The following HABP2 variants were observed in gnomAD, a reference collection of about 807,000 sequenced individuals.
HABP2 encodes factor VII-activating protease.
HABP2 carries 65 observed loss-of-function variants against 66.5 expected under a neutral mutation model. The ratio of observed to expected loss-of-function variants is 0.98; its 90% CI spans 0.80 to 1.20. HABP2 has a LOEUF of 1.20. Ranked by LOEUF, HABP2 falls within the 50% of genes most tolerant of loss-of-function variation. HABP2 has a pLI of 0.00. For synonymous variants in HABP2, 263 were observed against 253.9 expected, an observed-to-expected ratio of 1.04 and a Z score of -0.34; for missense variants, 786 against 691.0, an observed-to-expected ratio of 1.14 and a Z score of -1.54.
chr10:113,575,473 C>A (rs1845391573), intron 3 of HABP2, among the ~76,000 whole-genome samples: 2 of 152,230 alleles, frequency 1.3e-5, no homozygotes, highest in South Asian at 4.2e-4. Flanking sequence ...GTTTTCTTTC[C>A]CCACTCCTGA....
Position 113,575,930 on chromosome 10 carries a change from G to A in HABP2, c.257G>A (p.Gly86Glu). 6.2e-7 allele frequency: 1 copy of A among 1,611,492 alleles called. No individual in the cohort carries two copies. The highest frequency in any genetic ancestry group is 8.5e-7 in the Non-Finnish European group (1 of 1,177,630). ...CAGCCCAACCCCTGTGAACACGGTG[G>A]GGACTGCCTCGTCCATGGGAGCACC... ...PCQPNPCEHGGDCLVHGSTFT... is the reference protein window; with the variant it reads ...PCQPNPCEHGEDCLVHGSTFT... The change falls in exon 4 of 13, where the codon GGG (glycine) becomes GAG (glutamate). Residue 86 changes from glycine (G) to glutamate (E), a missense_variant. Physicochemically the swap from Gly to Glu is moderately conservative, Grantham distance 98 (BLOSUM62 -2). Transcript: ENST00000351270.
intron 2 of HABP2, chr10:113,569,795 G>C (rs913472747): frequency 6.6e-6 from 1 of 152,344 alleles, no homozygotes; most frequent in Non-Finnish European, 1.5e-5. Context: ...CAGATTGGAA[G>C]TGTCAAATGC....
At chr10:113,565,916 T>C (rs1231437228) in intron 1 of HABP2, among the ~76,000 whole-genome samples, 2 of 152,356 alleles carry the variant, frequency 1.3e-5, no homozygotes, top group East Asian at 3.9e-4. Context: ...CATGAGTAAA[T>C]TCAGGGTAAC....
chr10:113,564,423 A>G (rs1845158705), intron 1 of HABP2, among the ~76,000 whole-genome samples: 1 of 152,064 alleles, frequency 6.6e-6, no homozygotes, highest in South Asian at 2.1e-4. Flanking sequence ...CCCTAAGCCC[A>G]GGAGCACCCC....
intron 11 of HABP2, 85 bp from the exon 12 acceptor site, chr10:113,585,708 T>G: frequency 5.0e-6 from 5 of 1,008,652 alleles, no homozygotes; most frequent in Non-Finnish European, 7.9e-6. Context: ...TTGGTGGGCT[T>G]CTCCCTGACA....
At chr10:113,560,506 A>G (rs948534301) in intron 1 of HABP2, among the ~76,000 whole-genome samples, 2 of 152,230 alleles carry the variant, frequency 1.3e-5, no homozygotes, top group Admixed American at 1.3e-4. Flanking sequence ...GGACCCAGCA[A>G]TTCCACATCT....
chr10:113,583,042 G>A (rs936238504), intron 9 of HABP2, among the ~76,000 whole-genome samples, 174 bp from the exon 10 acceptor site: 3 of 152,218 alleles, frequency 2.0e-5, no homozygotes, highest in African/African-American at 7.2e-5. Context: ...GCTTGCTTCT[G>A]TTAATAAAGC....
rs910173736 is a variant in HABP2 at position 113,589,369 on chromosome 10, G to C, written c.*1000G>C. On this transcript the variant is annotated 3_prime_UTR_variant, in exon 13 of 13. Transcript: ENST00000351270. ...CTGACCCTTTCTGCGAATGTAACGA[G>C]CAAGCAGTCAGCACAGCCTGGGCTG... is the stretch of plus-strand genomic sequence containing the variant. 1 of 566,454 alleles carries C rather than the reference G, an allele frequency of 1.8e-6. No individual in the cohort carries two copies. Among genetic ancestry groups the C allele is most frequent in the Non-Finnish European group, 3.1e-6 (1 of 320,486 alleles). The allele number at this position is 566,454 out of a possible 1,614,324, so 35.1% of individuals were successfully genotyped here.
chr10:113,583,536 G>C lies in HABP2; in HGVS notation c.1237+178G>C, dbSNP rs190169080. On this transcript the variant is annotated intron_variant, in intron 10 of 12. Transcript: ENST00000351270. Reference sequence around the variant, plus strand: ...GTTTTTGAGGGTATGTGCAAATGTAGATAAATGGGCATATGCTCTTAAACT... The same window carrying C: ...GTTTTTGAGGGTATGTGCAAATGTACATAAATGGGCATATGCTCTTAAACT... Among the ~76,000 whole-genome samples the C allele has an allele frequency of 3.0e-4, 46 of 152,314 alleles. No homozygotes were observed. The East Asian group carries it at 6.8e-3, about 22-fold the overall frequency.
Position 113,575,973 on chromosome 10 carries a change from G to C in HABP2, c.300G>C (p.Leu100=). The change falls in exon 4 of 13, where the codon CTG becomes CTC. Residue 100 remains leucine (L), a synonymous_variant. Transcript: ENST00000351270. ...GGAGCACCTTCACATGCAGCTGCCT[G>C]GCTCCTTTCTCTGGGAATAAGTGTC... The part of the protein sequence containing the change: ...VHGSTFTCSC[L]APFSGNKCQK... 1 of 1,607,338 alleles carries C rather than the reference G, an allele frequency of 6.2e-7. No homozygotes were observed. The highest frequency in any genetic ancestry group is 8.5e-7 in the Non-Finnish European group (1 of 1,173,796).
chr10:113,551,192 A>G (rs1427004139), upstream of HABP2, among the ~76,000 whole-genome samples: 4 of 152,248 alleles, frequency 2.6e-5, no homozygotes, highest in African/African-American at 9.6e-5. Context: ...AGTGCTGGGC[A>G]TCTATGCCAA....
At chr10:113,559,348 C>A (rs1041946953) in intron 1 of HABP2, among the ~76,000 whole-genome samples, 1 of 152,202 alleles carries the variant, frequency 6.6e-6, no homozygotes, top group Non-Finnish European at 1.5e-5. Context: ...GTAATCATTG[C>A]AAATGCCATA....
intron 1 of HABP2, among the ~76,000 whole-genome samples, chr10:113,555,316 G>A (rs1388662586): frequency 2.6e-5 from 4 of 152,194 alleles, no homozygotes; most frequent in African/African-American, 4.8e-5. Flanking sequence ...ACTGGTTTCC[G>A]TGTAGCCAGT....
intron 2 of HABP2, among the ~76,000 whole-genome samples, chr10:113,572,426 T>C (rs946122472): frequency 2.0e-5 from 3 of 152,178 alleles, no homozygotes; most frequent in African/African-American, 7.2e-5. Context: ...TGCCAACCTG[T>C]GGGAGAGATG....
chr10:113,579,206 C>T (rs1290675494), intron 7 of HABP2, among the ~76,000 whole-genome samples: 1 of 151,476 alleles, frequency 6.6e-6, no homozygotes, highest in Non-Finnish European at 1.5e-5. Flanking sequence ...CTGTAGTGAG[C>T]CACTGCACTC....
At chr10:113,584,112 A>T in intron 10 of HABP2, 36 bp from the exon 11 acceptor site, 1 of 1,603,534 alleles carries the variant, frequency 6.2e-7, no homozygotes, top group Non-Finnish European at 8.5e-7. Flanking sequence ...CAAAGAGGTG[A>T]CATCGCATCC....
chr10:113,555,946 A>G (rs1844983766), intron 1 of HABP2, among the ~76,000 whole-genome samples: 1 of 152,158 alleles, frequency 6.6e-6, no homozygotes, highest in Non-Finnish European at 1.5e-5. Context: ...CTCAGCCATA[A>G]TGGAATTTGG....
chr10:113,587,340 A>AAC lies in HABP2; in HGVS notation c.1519-864_1519-863insCA, dbSNP rs111423055. Among the ~76,000 whole-genome samples, 1,170 of 151,786 alleles carry AAC rather than the reference A, an allele frequency of 7.7e-3. 8 individuals are homozygous for AAC. The highest frequency in any genetic ancestry group is 0.013 in the African/African-American group (557 of 41,394). ...TCAAAAAAACAAAAACAAACAAACA[A>AAC]AAAAAAACCTCATTCAATTCCCTAG... On this transcript the variant is annotated intron_variant, in intron 12 of 12. Transcript: ENST00000351270.
rs149439398 is a variant in HABP2 at position 113,555,659 on chromosome 10, G to C, written c.69+2469G>C. 3.9e-5 allele frequency among the ~76,000 whole-genome samples: 6 copies of C among 152,246 alleles called. No individual in the cohort carries two copies. The East Asian group carries it at 1.2e-3, about 29-fold the overall frequency. On this transcript the variant is annotated intron_variant, in intron 1 of 12. Coordinates refer to ENST00000351270, the MANE Select transcript of HABP2 (RefSeq NM_004132.5). The stretch of plus-strand genomic sequence containing the variant: ...AAAAATCATTGCTGTGAACTCCAGG[G>C]CATCATTCATTGTGCCTTGCTGTTC...
Sources: gnomAD v4.1 joint callset for allele counts (sites outside exome capture counted in the v4.1 genomes callset) on GRCh38, gnomAD v4.1.1 for gene constraint, MANE v1.5 for transcripts, NCBI Gene and HGNC (gene_info 2026-07-23, HGNC 2026-07-21) for gene names.